Variants in ZNF786 observed in about 807,000 individuals in gnomAD.
ZNF786 encodes zinc finger protein 786.
A neutral mutation model predicts 63.1 loss-of-function variants in ZNF786; 56 were observed. That is an observed-to-expected ratio of 0.89 (90% CI 0.72 to 1.11). ZNF786 has a LOEUF of 1.11. ZNF786 is among the 50% of genes least tolerant of loss of function. The pLI is 0.00. For synonymous variants in ZNF786, 485 were observed against 406.9 expected, an observed-to-expected ratio of 1.19 and a Z score of -2.31; for missense variants, 1,213 against 1,041.8, an observed-to-expected ratio of 1.16 and a Z score of -2.26.
rs375727522 is a variant in ZNF786 at position 149,071,223 on chromosome 7, C to T, written c.1549G>A (p.Gly517Ser). The part of the protein sequence containing the change: ...RPFSCSECGR[G>S]FTHQCKLREH... ...CGGAGCTTGCACTGGTGGGTGAAGC[C>T]TCTGCCACACTCGCTACAGGAGAAC... is the stretch of plus-strand genomic sequence containing the variant. Residue 517 changes from glycine to serine, a missense_variant, in exon 4 of 4, where the codon GGC (glycine) becomes AGC (serine). Gly to Ser is a moderately conservative substitution (Grantham distance 56). Coordinates refer to ENST00000491431, the MANE Select transcript of ZNF786 (RefSeq NM_152411.4). 237 of 1,610,772 alleles carry T rather than the reference C, an allele frequency of 1.5e-4. No homozygotes were observed. Among genetic ancestry groups the T allele is most frequent in the Admixed American group, 2.2e-4 (13 of 59,964 alleles).
At chr7:149,085,530 T>C (rs534461574) in intron 1 of ZNF786, among the ~76,000 whole-genome samples, 6 of 152,320 alleles carry the variant, frequency 3.9e-5, no homozygotes, top group African/African-American at 1.4e-4. Flanking sequence ...TTGGCCAGGC[T>C]GGTCTCGAAC....
At chr7:149,088,070 T>G (rs529825424) in intron 1 of ZNF786, among the ~76,000 whole-genome samples, 2 of 150,958 alleles carry the variant, frequency 1.3e-5, no homozygotes, top group Non-Finnish European at 2.9e-5. Context: ...TGACACGATC[T>G]CAGCTCACTG....
Position 149,071,439 on chromosome 7 carries a change from G to A in ZNF786, c.1333C>T (p.Arg445Ter), listed in dbSNP as rs370684734. The A allele has an allele frequency of 3.7e-6, 6 of 1,611,714 alleles. No individual in the cohort carries two copies. Among genetic ancestry groups the A allele is most frequent in the Non-Finnish European group, 5.1e-6 (6 of 1,179,420 alleles). ...AAAGGCTTCTCTCCGCTGTGGACTC[G>A]AATGTGCTCCGTGAGTTTACACTGC... Reference protein sequence around the residue: ...AKQCKLTEHIRVHSGEKPFRC... With the variant: ...AKQCKLTEHI Residue 445 changes from arginine to a stop codon, truncating the protein, a stop_gained, in exon 4 of 4, where the codon CGA becomes TGA. Transcript: ENST00000491431. LOFTEE classifies it high-confidence loss of function.
At chr7:149,086,827 T>C (rs1825746604) in intron 1 of ZNF786, among the ~76,000 whole-genome samples, 1 of 145,528 alleles carries the variant, frequency 6.9e-6, no homozygotes. Flanking sequence ...TACAGCCCAC[T>C]TCCAACAGCG....
rs780222490 is a variant in ZNF786 at position 149,070,780 on chromosome 7, G to A, written c.1992C>T (p.Ile664=). Residue 664 remains isoleucine (I), a synonymous_variant, in exon 4 of 4, where the codon ATC becomes ATT. Transcript: ENST00000491431. ...GKGFVKHSKL[I]EHIRTHTGEK... is the part of the protein sequence containing the mutation. Reference sequence around the variant, plus strand: ...CTCCCGTGTGCGTTCTGATGTGCTCGATGAGCTTTGAGTGTTTCACAAAGC... The same window carrying A: ...CTCCCGTGTGCGTTCTGATGTGCTCAATGAGCTTTGAGTGTTTCACAAAGC... 13 of 1,613,568 alleles carry A rather than the reference G, an allele frequency of 8.1e-6. No individual in the cohort carries two copies. Among genetic ancestry groups the A allele is most frequent in the East Asian group, 6.7e-5 (3 of 44,888 alleles).
At position 149,070,858 on chromosome 7, in the gene ZNF786, G is replaced by A; in HGVS notation, c.1914C>T (p.Ala638=). The change falls in exon 4 of 4, where the codon GCC becomes GCT. Residue 638 remains alanine, a synonymous_variant. Transcript: ENST00000491431. Reference sequence around the variant, plus strand: ...TCTCCCCGCTGTGCAGCAGCTGGTGGGCCTTCATGTCGGCCTTCACGCGAT... The same window carrying A: ...TCTCCCCGCTGTGCAGCAGCTGGTGAGCCTTCATGTCGGCCTTCACGCGAT... ...KRYRVKADMK[A]HQLLHSGEMP... is the part of the protein sequence containing the mutation. The A allele has an allele frequency of 1.2e-6, 2 of 1,611,680 alleles. No individual in the cohort carries two copies. The highest frequency in any genetic ancestry group is 1.3e-5 in the African/African-American group (1 of 74,240).
rs375415453 is a variant in ZNF786 at position 149,070,889 on chromosome 7, T to C, written c.1883A>G (p.Lys628Arg). Residue 628 changes from lysine to arginine, a missense_variant, in exon 4 of 4, where the codon AAG becomes AGG. By Grantham distance (26) the Lys-to-Arg change is conservative. Coordinates refer to ENST00000491431, the MANE Select transcript of ZNF786 (RefSeq NM_152411.4). Reference protein sequence around the residue: ...ERPFQCPECDKRYRVKADMKA... With the variant: ...ERPFQCPECDRRYRVKADMKA... ...CATGTCGGCCTTCACGCGATAGCGC[T>C]TGTCGCACTCCGGACACTGGAAGGG... 3 of 1,613,374 alleles carry C rather than the reference T, an allele frequency of 1.9e-6. No individual in the cohort carries two copies. The highest frequency in any genetic ancestry group is 1.7e-6 in the Non-Finnish European group (2 of 1,179,900).
At chr7:149,090,427 G>C (rs1243076014) in intron 1 of ZNF786, among the ~76,000 whole-genome samples, 196 bp downstream of exon 1, 2 of 152,218 alleles carry the variant, frequency 1.3e-5, no homozygotes, top group Non-Finnish European at 2.9e-5. Flanking sequence ...GTTTGGCCAC[G>C]GACAAGCCGC....
intron 1 of ZNF786, among the ~76,000 whole-genome samples, chr7:149,081,610 C>T (rs1825655405): frequency 6.6e-6 from 1 of 152,080 alleles, no homozygotes; most frequent in Non-Finnish European, 1.5e-5. Context: ...AGCACATTTA[C>T]CCTTGCTATT....
Position 149,071,570 on chromosome 7 carries a change from T to A in ZNF786, c.1202A>T (p.His401Leu). 1 of 1,612,102 alleles carries A rather than the reference T, an allele frequency of 6.2e-7. No individual in the cohort carries two copies. ...HTGEKPFQCAHCTKRFRLRRL... is the reference protein window; with the variant it reads ...HTGEKPFQCALCTKRFRLRRL... ...GCGCAGGCGGAAGCGCTTGGTGCAA[T>A]GCGCACACTGGAAGGGCTTTTCTCC... Residue 401 changes from histidine (H) to leucine (L), a missense_variant, in exon 4 of 4, where the codon CAT (histidine) becomes CTT (leucine). Transcript: ENST00000491431.
chr7:149,071,758 C>CA lies in ZNF786; in HGVS notation c.1013_1014insT (p.Gln340ThrfsTer100), dbSNP rs1563136566. The CA allele has an allele frequency of 1.9e-6, 3 of 1,588,084 alleles. No individual in the cohort carries two copies. The South Asian group carries it at 3.3e-5, about 18-fold the overall frequency. Reference sequence around the variant, plus strand: ...GCAGGCGCGAGCCTGGTTTCTGTCCCGAGTGCACACTGCTGGAGGCCCCGC... The same window carrying CA: ...GCAGGCGCGAGCCTGGTTTCTGTCCCAGAGTGCACACTGCTGGAGGCCCCGC... On this transcript the variant is annotated frameshift_variant, in exon 4 of 4. Coordinates refer to ENST00000491431, the MANE Select transcript of ZNF786 (RefSeq NM_152411.4). LOFTEE classifies it high-confidence loss of function.
intron 1 of ZNF786, among the ~76,000 whole-genome samples, chr7:149,084,896 G>A (rs1369317381): frequency 6.6e-6 from 1 of 152,126 alleles, no homozygotes; most frequent in Non-Finnish European, 1.5e-5. Context: ...TACTTCCTAG[G>A]TTATCTTCCA....
chr7:149,071,778 C>T lies in ZNF786; in HGVS notation c.994G>A (p.Ala332Thr). Residue 332 changes from alanine to threonine, a missense_variant, in exon 4 of 4, where the codon GCC (alanine) becomes ACC (threonine). Physicochemically the swap from Ala to Thr is moderately conservative, Grantham distance 58. Transcript: ENST00000491431. The stretch of plus-strand genomic sequence containing the variant: ...TGTCCCGAGTGCACACTGCTGGAGG[C>T]CCCGCGGCCTTCTCTCCAAGAGGCC... ...GPASWREGRG[A>T]SSSVHSGQKP... 2 of 1,580,846 alleles carry T rather than the reference C, an allele frequency of 1.3e-6. No homozygotes were observed. Among genetic ancestry groups the T allele is most frequent in the Non-Finnish European group, 1.7e-6 (2 of 1,168,810 alleles).
At chr7:149,073,781 G>GTATA (rs1563137556) in intron 3 of ZNF786, among the ~76,000 whole-genome samples, 2 of 80,524 alleles carry the variant, frequency 2.5e-5, no homozygotes, top group African/African-American at 8.9e-5. Flanking sequence ...ATATATATAT[G>GTATA]TATATATATA....
Position 149,080,731 on chromosome 7 carries a change from C to T in ZNF786, c.19-14G>A, listed in dbSNP as rs1825637959. The T allele has an allele frequency of 6.3e-7, 1 of 1,591,390 alleles. No individual in the cohort carries two copies. On this transcript the variant is annotated splice_polypyrimidine_tract_variant and intron_variant, in intron 1 of 3. Coordinates refer to ENST00000491431, the MANE Select transcript of ZNF786 (RefSeq NM_152411.4). ...AGTCAGAGGTAGCTGAAATTGTAGA[C>T]ATAAGACATATGCATTCATGGTTGC... is the stretch of plus-strand genomic sequence containing the variant.
intron 1 of ZNF786, among the ~76,000 whole-genome samples, chr7:149,090,364 G>C (rs1469081894): frequency 6.6e-6 from 1 of 152,224 alleles, no homozygotes; most frequent in Non-Finnish European, 1.5e-5. Flanking sequence ...TCCTCGCCCA[G>C]GCTCCGCCCC....
At chr7:149,074,833 T>TA (rs1316495708) in intron 2 of ZNF786, among the ~76,000 whole-genome samples, 8 of 150,072 alleles carry the variant, frequency 5.3e-5, no homozygotes, top group Non-Finnish European at 1.0e-4. Flanking sequence ...ATATATATAT[T>TA]TTTAAAATTA....
intron 1 of ZNF786, among the ~76,000 whole-genome samples, chr7:149,089,291 A>G (rs576344161): frequency 8.9e-4 from 133 of 150,108 alleles, no homozygotes; most frequent in African/African-American, 3.1e-3. Flanking sequence ...TTAATTTTGT[A>G]TAGTGTTCCA....
chr7:149,073,671 TTATG>T lies in ZNF786; in HGVS notation c.298+711_298+714del, dbSNP rs202102701. The stretch of plus-strand genomic sequence containing the variant: ...TATGTATACATATATACACATATAT[TTATG>T]TATACATTTATATACATATGTATAT... On this transcript the variant is annotated intron_variant, in intron 3 of 3. Coordinates refer to ENST00000491431, the MANE Select transcript of ZNF786 (RefSeq NM_152411.4). Among the ~76,000 whole-genome samples the T allele has an allele frequency of 4.8e-5, 7 of 147,364 alleles. No individual in the cohort carries two copies. In the East Asian group the frequency reaches 1.0e-3, roughly 21 times the overall value.
Sources: allele counts gnomAD v4.1 joint callset (sites outside exome capture counted in the v4.1 genomes callset), GRCh38; gene constraint gnomAD v4.1.1; transcripts MANE v1.5; gene names NCBI Gene and HGNC (gene_info 2026-07-23, HGNC 2026-07-21).